The following GNA13 variants were observed in gnomAD, a reference collection of about 807,000 sequenced individuals.
The protein encoded by GNA13 is guanine nucleotide-binding protein subunit alpha-13.
GNA13 carries 4 observed loss-of-function variants against 33.5 expected under a neutral mutation model. The observed-to-expected ratio is 0.12, with a 90% CI of 0.06 to 0.27. The LOEUF is 0.27. Among genes scored for constraint, GNA13 ranks in the 10% least tolerant of loss-of-function variants. GNA13 has a pLI of 1.00. For missense variants in GNA13, 319 were observed against 487.2 expected (o/e 0.65, Z 3.25); for synonymous variants, 176 against 183.8 (o/e 0.96, Z 0.34).
In GNA13 at chr17:65,009,789, T is replaced by C. The variant is rs1258272858; in HGVS notation, c.*4468A>G. Among the ~76,000 whole-genome samples, 3 of 152,256 alleles carry C rather than the reference T, an allele frequency of 2.0e-5. No individual in the cohort carries two copies. The highest frequency in any genetic ancestry group is 6.5e-5 in the Admixed American group (1 of 15,286). On this transcript the variant is annotated 3_prime_UTR_variant, in exon 4 of 4. Coordinates refer to ENST00000439174, the MANE Select transcript of GNA13 (RefSeq NM_006572.6). ...TGGCATAGTTTGTTGCACTGTTGCT[T>C]ATACTGTGCAAGAATTAATCTCTAC...
Position 65,056,566 on chromosome 17 carries a change from C to A in GNA13, c.28G>T (p.Val10Leu). The change falls in exon 1 of 4, where the codon GTG becomes TTG. Residue 10 changes from valine to leucine, a missense_variant. Physicochemically the swap from Val to Leu is conservative, Grantham distance 32. Around this residue, in one of 4 missense-constraint regions of GNA13, gnomAD observed 47 missense variants for 64.7 expected, o/e 0.73. Transcript: ENST00000439174. ...CAGCCGGGGAAGCACACGGACAGCA[C>A]GGACCGCGACGGCAGGAAGTCCGCC... MADFLPSRS[V>L]LSVCFPGCLL... The A allele has an allele frequency of 1.2e-6, 2 of 1,608,264 alleles. No individual in the cohort carries two copies. Among genetic ancestry groups the A allele is most frequent in the Non-Finnish European group, 1.7e-6 (2 of 1,178,344 alleles).
intron 2 of GNA13, among the ~76,000 whole-genome samples, chr17:65,047,319 C>T (rs376140264): frequency 6.6e-6 from 1 of 152,026 alleles, no homozygotes; most frequent in East Asian, 1.9e-4. Context: ...GCCCAGGAGT[C>T]CCAAGGTTAC....
chr17:65,021,568 GC>G (rs950249194), intron 2 of GNA13, among the ~76,000 whole-genome samples: 5 of 152,180 alleles, frequency 3.3e-5, no homozygotes, highest in African/African-American at 1.2e-4. Flanking sequence ...GCTCTCTTCT[GC>G]ACAGCTAAAA....
rs1906156328 is a variant in GNA13, at chr17:65,010,646, A to C, written c.*3611T>G. The C allele has an allele frequency of 4.9e-6, 1 of 205,780 alleles. No individual in the cohort carries two copies. The allele number at this position is 205,780 out of a possible 1,614,324, so 12.7% of individuals were successfully genotyped here. On this transcript the variant is annotated 3_prime_UTR_variant, in exon 4 of 4. Coordinates refer to ENST00000439174, the MANE Select transcript of GNA13 (RefSeq NM_006572.6). ...GTACTAAGTCAGATTTCCAAGTGAA[A>C]AAGACATGAGCAAAACTTCTGGTCT...
At chr17:65,015,086 T>C (rs893279646) in intron 3 of GNA13, among the ~76,000 whole-genome samples, 3 of 151,786 alleles carry the variant, frequency 2.0e-5, no homozygotes, top group South Asian at 2.1e-4. Flanking sequence ...CTGGGCAATA[T>C]AGCAAGACCC....
chr17:65,038,486 C>T (rs1054388886), intron 2 of GNA13, among the ~76,000 whole-genome samples: 1 of 152,124 alleles, frequency 6.6e-6, no homozygotes, highest in African/African-American at 2.4e-5. Flanking sequence ...AATCACGGCT[C>T]ACTGCAGCCT....
chr17:65,041,818 G>A (rs1424607353), intron 2 of GNA13, among the ~76,000 whole-genome samples: 1 of 152,204 alleles, frequency 6.6e-6, no homozygotes, highest in East Asian at 1.9e-4. Context: ...TGGTACATCT[G>A]AGGCATTTCA....
intron 2 of GNA13, among the ~76,000 whole-genome samples, chr17:65,041,107 T>C (rs1277447059): frequency 1.3e-5 from 2 of 152,178 alleles, no homozygotes; most frequent in Admixed American, 6.5e-5. Flanking sequence ...AGCAGAAAAA[T>C]AATTTTTTAA....
At position 65,053,536 on chromosome 17, in the gene GNA13, T is replaced by C. The variant is rs979645920; in HGVS notation, c.476A>G (p.Gln159Arg). The stretch of plus-strand genomic sequence containing the variant: ...TTCTCGACGCCGGTCATAGGCATTC[T>C]GTATGCCGCTGTCTGCCCATAATGC... Reference protein sequence around the residue: ...IRALWADSGIQNAYDRRREFQ... With the variant: ...IRALWADSGIRNAYDRRREFQ... The change falls in exon 2 of 4, where the codon CAG (glutamine) becomes CGG (arginine). Residue 159 changes from glutamine to arginine, a missense_variant. Gln to Arg is a conservative substitution (Grantham distance 43). Coordinates refer to ENST00000439174, the MANE Select transcript of GNA13 (RefSeq NM_006572.6). The C allele has an allele frequency of 7.4e-6, 12 of 1,611,952 alleles. No individual in the cohort carries two copies. In the Admixed American group the frequency reaches 1.8e-4, roughly 25 times the overall value.
At chr17:65,031,921 A>AGAGAGTGTGT (rs770161529) in intron 2 of GNA13, among the ~76,000 whole-genome samples, 13 of 91,700 alleles carry the variant, frequency 1.4e-4, no homozygotes, top group South Asian at 3.2e-4. Context: ...AGAGAGAGAG[A>AGAGAGTGTGT]GTGTGTGTGT....
intron 3 of GNA13, among the ~76,000 whole-genome samples, chr17:65,017,946 TAG>T (rs1391324798): frequency 1.3e-5 from 2 of 151,446 alleles, no homozygotes; most frequent in African/African-American, 4.9e-5. Context: ...AAGAAAATGG[TAG>T]AGACCTGGAC....
chr17:65,042,940 A>T (rs1475137355), intron 2 of GNA13, among the ~76,000 whole-genome samples: 2 of 152,182 alleles, frequency 1.3e-5, no homozygotes, highest in Non-Finnish European at 2.9e-5. Flanking sequence ...TTAGGTGCAT[A>T]AAGCCCATTA....
intron 2 of GNA13, among the ~76,000 whole-genome samples, chr17:65,025,588 T>C (rs1469095485): frequency 1.3e-5 from 2 of 152,206 alleles, no homozygotes; most frequent in Non-Finnish European, 2.9e-5. Context: ...TCTAAGGAAC[T>C]TGAAACCTCA....
intron 3 of GNA13, among the ~76,000 whole-genome samples, chr17:65,017,216 T>C (rs765907036): frequency 1.3e-5 from 2 of 152,210 alleles, no homozygotes; most frequent in Non-Finnish European, 2.9e-5. Context: ...GGCCCTGAGC[T>C]TTTAAAAAAT....
At chr17:65,020,148 A>G (rs765100580) in intron 2 of GNA13, among the ~76,000 whole-genome samples, 15 of 152,224 alleles carry the variant, frequency 9.9e-5, no homozygotes, top group African/African-American at 3.1e-4. Flanking sequence ...CTACCTTCCT[A>G]AAGTGTCTGG....
chr17:65,020,232 AGTC>A (rs1490149904), intron 2 of GNA13, among the ~76,000 whole-genome samples: 1 of 152,210 alleles, frequency 6.6e-6, no homozygotes, highest in African/African-American at 2.4e-5. Context: ...AAGTGATCAA[AGTC>A]TTCTTGTTTT....
chr17:65,053,690 T>G lies in GNA13; in HGVS notation c.322A>C (p.Ile108Leu). 3 of 1,613,958 alleles carry G rather than the reference T, an allele frequency of 1.9e-6. No individual in the cohort carries two copies. Among genetic ancestry groups the G allele is most frequent in the Non-Finnish European group, 2.5e-6 (3 of 1,179,798 alleles). ...TGGTTTGAGTTGTCTCCCCAGGGAA[T>G]ATGAAGCTTCTCTCGAGCATCAACC... The part of the protein sequence containing the change: ...VLVDAREKLH[I>L]PWGDNSNQQH... The change falls in exon 2 of 4, where the codon ATT (isoleucine) becomes CTT (leucine). Residue 108 changes from isoleucine to leucine, a missense_variant. By Grantham distance (5) the Ile-to-Leu change is conservative (BLOSUM62 2). Transcript: ENST00000439174.
chr17:65,049,891 T>A (rs1292583080), intron 2 of GNA13, among the ~76,000 whole-genome samples: 1 of 152,158 alleles, frequency 6.6e-6, no homozygotes, highest in Non-Finnish European at 1.5e-5. Flanking sequence ...ATCACTACAT[T>A]AAGTGAAGGG....
Position 65,011,487 on chromosome 17 carries a change from G to A in GNA13, c.*2770C>T, listed in dbSNP as rs987154015. The A allele has an allele frequency of 1.0e-5, 2 of 199,684 alleles. No individual in the cohort carries two copies. Among genetic ancestry groups the A allele is most frequent in the African/African-American group, 4.6e-5 (2 of 43,442 alleles). The allele number at this position is 199,684 out of a possible 1,614,324, so 12.4% of individuals were successfully genotyped here. A position where few individuals can be genotyped will look rare whatever the true frequency, so the allele number is the denominator to read the frequency against. On this transcript the variant is annotated 3_prime_UTR_variant, in exon 4 of 4. Coordinates refer to ENST00000439174, the MANE Select transcript of GNA13 (RefSeq NM_006572.6). ...AAAAATATTAAAGGGGCAGAGGCAT[G>A]CTTTGAATTACTCAGATTTTCAGAA...
Sources: gnomAD v4.1 joint callset for allele counts (sites outside exome capture counted in the v4.1 genomes callset) on GRCh38, gnomAD v4.1.1 for gene constraint, gnomAD v4.1.1 regional missense constraint, MANE v1.5 for transcripts, NCBI Gene and HGNC (gene_info 2026-07-23, HGNC 2026-07-21) for gene names.